NELL1: variants seen among roughly 807,000 people sequenced by gnomAD.
NELL1 encodes neural EGFL like 1.
Under a neutral mutation model 107.4 loss-of-function variants are expected in NELL1, and 76 were observed. The ratio of observed to expected loss-of-function variants is 0.71; its 90% confidence interval spans 0.59 to 0.86. The LOEUF (loss-of-function observed/expected upper bound fraction) is 0.86. Among genes scored for constraint, NELL1 ranks in the 40% least tolerant of loss-of-function variants. The pLI, the probability that NELL1 is intolerant of heterozygous loss-of-function variation, is 0.00. For synonymous variants in NELL1, 353 were observed against 341.2 expected, an observed-to-expected ratio of 1.03 and a Z score of -0.38; for missense variants, 1,024 against 1,005.5, an observed-to-expected ratio of 1.02 and a Z score of -0.25.
intron 12 of NELL1, among the ~76,000 whole-genome samples, chr11:21,013,453 G>A (rs2134290289): frequency 6.6e-6 from 1 of 152,206 alleles, no homozygotes; most frequent in East Asian, 1.9e-4. Context: ...TGCAGCACTG[G>A]GCTATGGACA....
At chr11:20,690,695 A>G (rs1442161328) in intron 2 of NELL1, among the ~76,000 whole-genome samples, 2 of 152,130 alleles carry the variant, frequency 1.3e-5, no homozygotes, top group African/African-American at 2.4e-5. Flanking sequence ...GCCTTGTAGC[A>G]TAGTTTGAAG....
intron 15 of NELL1, among the ~76,000 whole-genome samples, chr11:21,426,982 G>C (rs1214093554): frequency 6.6e-6 from 1 of 152,052 alleles, no homozygotes; most frequent in Non-Finnish European, 1.5e-5. Context: ...AAGCCTCTAG[G>C]GTATTCCTGT....
intron 14 of NELL1, among the ~76,000 whole-genome samples, chr11:21,316,508 A>G (rs1389194846): frequency 6.6e-6 from 1 of 152,118 alleles, no homozygotes; most frequent in Non-Finnish European, 1.5e-5. Context: ...GTGGAGTTCC[A>G]GTCACAGGGG....
intron 2 of NELL1, among the ~76,000 whole-genome samples, chr11:20,733,546 C>T (rs1467993959): frequency 6.6e-6 from 1 of 152,102 alleles, no homozygotes; most frequent in African/African-American, 2.4e-5. Flanking sequence ...AAAAAAGTCC[C>T]CAGGTGTAGT....
At chr11:20,844,645 C>T (rs557976489) in intron 3 of NELL1, among the ~76,000 whole-genome samples, 7 of 152,228 alleles carry the variant, frequency 4.6e-5, no homozygotes, top group East Asian at 3.9e-4. Flanking sequence ...TTCACTTGCT[C>T]GTAGCGTCAG....
intron 13 of NELL1, among the ~76,000 whole-genome samples, chr11:21,150,209 A>C (rs1590682922): frequency 6.6e-6 from 1 of 152,146 alleles, no homozygotes; most frequent in South Asian, 2.1e-4. Flanking sequence ...TGGTCAGCAC[A>C]TGTGGGTCTG....
At chr11:20,896,433 A>G (rs927979639) in intron 5 of NELL1, among the ~76,000 whole-genome samples, 5 of 152,186 alleles carry the variant, frequency 3.3e-5, no homozygotes, top group Admixed American at 6.5e-5. Context: ...TTGTGCTGCT[A>G]TAACCGTGTG....
chr11:20,713,490 G>C (rs1211543223), intron 2 of NELL1, among the ~76,000 whole-genome samples: 1 of 152,172 alleles, frequency 6.6e-6, no homozygotes, highest in Non-Finnish European at 1.5e-5. Flanking sequence ...CACCCACGCA[G>C]TTGGTGAGGC....
chr11:21,498,208 T>G (rs1382324122), intron 15 of NELL1, among the ~76,000 whole-genome samples: 2 of 151,454 alleles, frequency 1.3e-5, no homozygotes, highest in Admixed American at 6.6e-5. Context: ...TCTTTTTATA[T>G]TCTTTCTTGA....
At position 21,160,161 on chromosome 11, in the gene NELL1, G is replaced by A. The variant is rs1856330954; in HGVS notation, c.1426+46447G>A. Among the ~76,000 whole-genome samples, 2 of 152,314 alleles carry A rather than the reference G, an allele frequency of 1.3e-5. 1 individual carries two copies. Among genetic ancestry groups the A allele is most frequent in the Middle Eastern group, 6.8e-3 (2 of 294 alleles). Reference sequence around the variant, plus strand: ...AGAGAGCATATGTAGGTCTGCCTCTGTGCCTTTGTAAAATTGAGGACAAGT... The same window carrying A: ...AGAGAGCATATGTAGGTCTGCCTCTATGCCTTTGTAAAATTGAGGACAAGT... On this transcript the variant is annotated intron_variant, in intron 13 of 19. Coordinates refer to ENST00000357134, the MANE Select transcript of NELL1 (RefSeq NM_006157.5).
intron 15 of NELL1, among the ~76,000 whole-genome samples, chr11:21,385,333 G>C (rs551371439): frequency 1.3e-5 from 2 of 151,836 alleles, no homozygotes; most frequent in African/African-American, 4.8e-5. Context: ...ACAAGAAGAA[G>C]CTCTTTTAGT....
At chr11:21,217,057 A>AT (rs1565115575) in intron 13 of NELL1, among the ~76,000 whole-genome samples, 1 of 152,142 alleles carries the variant, frequency 6.6e-6, no homozygotes, top group African/African-American at 2.4e-5. Context: ...AGTTACCTCC[A>AT]TGCTGCTCTT....
intron 12 of NELL1, among the ~76,000 whole-genome samples, chr11:20,978,878 C>T (rs181899077): frequency 2.8e-4 from 42 of 152,242 alleles, no homozygotes; most frequent in African/African-American, 9.9e-4. Flanking sequence ...TTCTAATCTC[C>T]CAATTCCCTC....
chr11:21,222,381 A>G (rs1034299772), intron 13 of NELL1, among the ~76,000 whole-genome samples: 12 of 148,828 alleles, frequency 8.1e-5, no homozygotes, highest in East Asian at 5.9e-4. Context: ...TTTTTTTAGT[A>G]GAGACGGGGT....
chr11:21,109,828 C>A (rs1193309025), intron 12 of NELL1, among the ~76,000 whole-genome samples: 1 of 151,980 alleles, frequency 6.6e-6, no homozygotes, highest in African/African-American at 2.4e-5. Context: ...ATGTTAATTC[C>A]TTTTTTACTC....
intron 12 of NELL1, among the ~76,000 whole-genome samples, chr11:21,093,796 T>C (rs1374667708): frequency 6.6e-6 from 1 of 152,142 alleles, no homozygotes; most frequent in African/African-American, 2.4e-5. Flanking sequence ...GAGAACTGCA[T>C]GGGAAAGACT....
chr11:20,987,273 C>T (rs892223567), intron 12 of NELL1, among the ~76,000 whole-genome samples: 2 of 152,140 alleles, frequency 1.3e-5, no homozygotes, highest in Non-Finnish European at 2.9e-5. Context: ...CTAATCAAAA[C>T]CTACACATCA....
rs71443766 is a variant in NELL1, at chr11:20,938,908, G to GTCTCTC, written c.1071+1077_1071+1082dup. Among the ~76,000 whole-genome samples, 850 of 144,588 alleles carry GTCTCTC rather than the reference G, an allele frequency of 5.9e-3. 15 individuals are homozygous for GTCTCTC. The highest frequency in any genetic ancestry group is 0.031 in the South Asian group (137 of 4,354). 94.9% of individuals were successfully genotyped at this position (144,588 alleles called of 152,430 possible). A position where few individuals can be genotyped will look rare whatever the true frequency, so the allele number is the denominator to read the frequency against. On this transcript the variant is annotated intron_variant, in intron 10 of 19. Coordinates refer to ENST00000357134, the MANE Select transcript of NELL1 (RefSeq NM_006157.5). Reference sequence around the variant, plus strand: ...CATTGAAGCTCTCTCTTCTCTCTCTGTCTCTCTCTCTCTCTCTCTCTCTCT... The same window carrying GTCTCTC: ...CATTGAAGCTCTCTCTTCTCTCTCTGTCTCTCTCTCTCTCTCTCTCTCTCTCTCTCT...
At chr11:21,397,812 G>C (rs1054504868) in intron 15 of NELL1, among the ~76,000 whole-genome samples, 1 of 151,510 alleles carries the variant, frequency 6.6e-6, no homozygotes, top group Non-Finnish European at 1.5e-5. Flanking sequence ...TTTCTAAAAA[G>C]ACCTTTGAAA....
Sources: allele counts gnomAD v4.1 joint callset (sites outside exome capture counted in the v4.1 genomes callset), GRCh38; gene constraint gnomAD v4.1.1; transcripts MANE v1.5; gene names NCBI Gene and HGNC (gene_info 2026-07-23, HGNC 2026-07-21).